Variants in ZMIZ1 observed in about 807,000 individuals in gnomAD.
The protein encoded by ZMIZ1 is zinc finger MIZ domain-containing protein 1.
ZMIZ1 carries 17 observed loss-of-function variants against 113.9 expected under a neutral mutation model. That is an observed-to-expected ratio of 0.15 (90% CI 0.10 to 0.22). The LOEUF (loss-of-function observed/expected upper bound fraction) is 0.22, where lower values mean the gene tolerates loss of function less well. Among genes scored for constraint, ZMIZ1 ranks in the 10% least tolerant of loss-of-function variants. The pLI, the probability that ZMIZ1 is intolerant of heterozygous loss-of-function variation, is 1.00. For missense variants in ZMIZ1, 1,059 were observed against 1,477.8 expected (o/e 0.72, Z 4.65); for synonymous variants, 607 against 603.1 (o/e 1.01, Z -0.09).
intron 7 of ZMIZ1, among the ~76,000 whole-genome samples, chr10:79,232,157 AC>A (rs1463896348): frequency 1.3e-5 from 2 of 152,170 alleles, no homozygotes; most frequent in East Asian, 1.9e-4. Flanking sequence ...GCTAACTGTA[AC>A]CCTCGTTTGG....
chr10:79,249,984 G>A (rs1252321205), intron 7 of ZMIZ1, among the ~76,000 whole-genome samples: 3 of 152,216 alleles, frequency 2.0e-5, no homozygotes, highest in Non-Finnish European at 4.4e-5. Context: ...TCTGTTTCCT[G>A]ATCAGTGCAG....
At chr10:79,076,952 C>G (rs1284585063) in intron 1 of ZMIZ1, among the ~76,000 whole-genome samples, 1 of 152,206 alleles carries the variant, frequency 6.6e-6, no homozygotes, top group East Asian at 1.9e-4. Context: ...CCCCTCTCCC[C>G]TCCAGCCAGC....
chr10:79,133,019 C>T (rs113803803), intron 2 of ZMIZ1, among the ~76,000 whole-genome samples: 134 of 152,260 alleles, frequency 8.8e-4, no homozygotes, highest in South Asian at 8.7e-3. Context: ...AAGAAAAGAA[C>T]GGTCGGTGGA....
At chr10:79,270,568 A>T (rs1186741015) in intron 7 of ZMIZ1, among the ~76,000 whole-genome samples, 1 of 152,202 alleles carries the variant, frequency 6.6e-6, no homozygotes, top group African/African-American at 2.4e-5. Flanking sequence ...ACTGGAGGAC[A>T]CGTGTTGCTT....
chr10:79,070,085 C>T (rs1230149981), intron 1 of ZMIZ1, among the ~76,000 whole-genome samples: 1 of 151,086 alleles, frequency 6.6e-6, no homozygotes, highest in East Asian at 2.0e-4. Flanking sequence ...GCGGCGGTGG[C>T]CCCGGGGGAG....
intron 23 of ZMIZ1, among the ~76,000 whole-genome samples, chr10:79,309,027 G>A (rs1339316480): frequency 6.6e-6 from 1 of 152,206 alleles, no homozygotes; most frequent in Non-Finnish European, 1.5e-5. Context: ...AAGCAGACCT[G>A]GAAGTGCGGA....
chr10:79,137,358 C>A (rs1226262542), intron 2 of ZMIZ1, among the ~76,000 whole-genome samples: 1 of 152,198 alleles, frequency 6.6e-6, no homozygotes, highest in Non-Finnish European at 1.5e-5. Context: ...AAATGGGTAC[C>A]TCAGGGAAGG....
chr10:79,082,601 G>C (rs4979842), intron 1 of ZMIZ1, among the ~76,000 whole-genome samples: 25,791 of 152,214 alleles, frequency 0.17, 2,698 homozygotes, highest in African/African-American at 0.28. Flanking sequence ...TCCAGCTGCA[G>C]AGCTGCAGGC....
chr10:79,092,633 C>G (rs1055234376), intron 1 of ZMIZ1, among the ~76,000 whole-genome samples: 1 of 152,198 alleles, frequency 6.6e-6, no homozygotes, highest in African/African-American at 2.4e-5. Context: ...GCTTCTTGGT[C>G]TCTGGTGACT....
chr10:79,108,234 C>T (rs974000304), intron 1 of ZMIZ1, among the ~76,000 whole-genome samples: 15 of 152,182 alleles, frequency 9.9e-5, no homozygotes, highest in African/African-American at 2.9e-4. Context: ...ATCCTCAGGA[C>T]GAGCAGCCCT....
rs747962718 is a variant in ZMIZ1 at position 79,114,512 on chromosome 10, T to C, written c.-336-4403T>C. Among the ~76,000 whole-genome samples, 1,288 of 132,368 alleles carry C rather than the reference T, an allele frequency of 9.7e-3. 15 individuals carry two copies. Among genetic ancestry groups the C allele is most frequent in the South Asian group, 0.029 (111 of 3,818 alleles). The allele number at this position is 132,368 out of a possible 152,430, so 86.8% of individuals were successfully genotyped here. A position where few individuals can be genotyped will look rare whatever the true frequency, so the allele number is the denominator to read the frequency against. On this transcript the variant is annotated intron_variant, in intron 1 of 24. Transcript: ENST00000334512. ...GTGTGTGCGTGTGTGTGTGCGTGTG[T>C]GTGTGTGTGTGTGTGTGTGTGTGTG...
intron 1 of ZMIZ1, among the ~76,000 whole-genome samples, chr10:79,100,883 G>A (rs1247719496): frequency 1.3e-5 from 2 of 152,214 alleles, no homozygotes; most frequent in African/African-American, 4.8e-5. Flanking sequence ...TTTGCACACA[G>A]CATCCCTGGG....
rs1208632340 is a variant in ZMIZ1 at position 79,311,475 on chromosome 10, C to T, written c.3096+291C>T. Among the ~76,000 whole-genome samples, 6 of 152,176 alleles carry T rather than the reference C, an allele frequency of 3.9e-5. No homozygotes were observed. In the South Asian group the frequency reaches 1.0e-3, roughly 26 times the overall value. The stretch of plus-strand genomic sequence containing the variant: ...AAGCCCTGCGGGGTCCCTTGCGCAG[C>T]ACAGGAGGGTCCCTGCCCTCCCCCG... On this transcript the variant is annotated intron_variant, in intron 24 of 24. Coordinates refer to ENST00000334512, the MANE Select transcript of ZMIZ1 (RefSeq NM_020338.4).
chr10:79,100,133 G>A (rs1210993546), intron 1 of ZMIZ1, among the ~76,000 whole-genome samples: 1 of 152,088 alleles, frequency 6.6e-6, no homozygotes, highest in Non-Finnish European at 1.5e-5. Flanking sequence ...AACAAGACTG[G>A]GCATGTACTA....
chr10:79,208,513 T>G (rs1418297183), intron 6 of ZMIZ1, 64 bp downstream of exon 6: 1 of 1,397,834 alleles, frequency 7.2e-7, no homozygotes, highest in Non-Finnish European at 9.9e-7. Context: ...CTAGCGTGCC[T>G]GTCCAGGTTT....
chr10:79,222,795 G>C (rs1849033431), intron 7 of ZMIZ1, among the ~76,000 whole-genome samples: 1 of 152,300 alleles, frequency 6.6e-6, no homozygotes, highest in East Asian at 1.9e-4. Flanking sequence ...AGCAGCCCCA[G>C]GGCTCAGAGA....
chr10:79,301,166 C>T (rs908938284), intron 17 of ZMIZ1, among the ~76,000 whole-genome samples: 10 of 152,184 alleles, frequency 6.6e-5, no homozygotes, highest in Admixed American at 1.3e-4. Flanking sequence ...TGGCTTCAGA[C>T]GTGGCCTCTT....
chr10:79,305,407 C>G, intron 20 of ZMIZ1, 126 bp from the exon 21 acceptor site: 1 of 1,249,938 alleles, frequency 8.0e-7, no homozygotes, highest in Non-Finnish European at 1.2e-6. Flanking sequence ...CAGAGTCCCC[C>G]TCTCTTGTGC....
At chr10:79,269,456 A>AACACACACAC (rs55634343) in intron 7 of ZMIZ1, among the ~76,000 whole-genome samples, 24,703 of 138,284 alleles carry the variant, frequency 0.18, 2,779 homozygotes, top group Non-Finnish European at 0.25. Context: ...ACCTCCCCCC[A>AACACACACAC]ACACACACAC....
Sources: gnomAD v4.1 joint callset for allele counts (sites outside exome capture counted in the v4.1 genomes callset) on GRCh38, gnomAD v4.1.1 for gene constraint, MANE v1.5 for transcripts, NCBI Gene and HGNC (gene_info 2026-07-23, HGNC 2026-07-21) for gene names.